Variants in GPC6 observed in about 807,000 individuals in gnomAD.
GPC6 encodes the protein glypican 6.
GPC6 carries 14 observed loss-of-function variants against 55.2 expected under a neutral mutation model. The observed-to-expected ratio is 0.25, with a 90% CI of 0.17 to 0.40. The LOEUF is 0.40. Ranked by LOEUF, GPC6 falls within the 10% of genes least tolerant of loss-of-function variation. The probability of loss-of-function intolerance (pLI) is 1.00; values close to 1 mark genes in which losing one functional copy is unlikely to be tolerated. For missense variants in GPC6, 641 were observed against 708.5 expected, an observed-to-expected ratio of 0.90 and a Z score of 1.08; for synonymous variants, 278 against 259.6, an observed-to-expected ratio of 1.07 and a Z score of -0.68.
chr13:94,060,424 A>G (rs1354731763), intron 4 of GPC6, among the ~76,000 whole-genome samples: 1 of 152,192 alleles, frequency 6.6e-6, no homozygotes, highest in African/African-American at 2.4e-5. Flanking sequence ...GTGTTCAGGA[A>G]ATACACGCTC....
intron 3 of GPC6, among the ~76,000 whole-genome samples, chr13:93,937,997 T>G (rs1878525403): frequency 6.6e-6 from 1 of 152,200 alleles, no homozygotes; most frequent in Admixed American, 6.5e-5. Context: ...TTGCCTTACT[T>G]AAAAAAGAAA....
intron 4 of GPC6, among the ~76,000 whole-genome samples, chr13:94,186,060 CAAAA>C: frequency 1.1e-5 from 1 of 87,252 alleles, no homozygotes; most frequent in African/African-American, 3.7e-5. Flanking sequence ...ACTCCGTCTC[CAAAA>C]AAAAAAAAAA....
At chr13:94,082,722 C>T (rs1266137323) in intron 4 of GPC6, among the ~76,000 whole-genome samples, 1 of 152,156 alleles carries the variant, frequency 6.6e-6, no homozygotes, top group East Asian at 1.9e-4. Context: ...TAGCATCTTC[C>T]ATTTTCCTAG....
intron 2 of GPC6, among the ~76,000 whole-genome samples, chr13:93,547,423 CTTTTAAT>C (rs1339082225): frequency 1.3e-5 from 2 of 152,098 alleles, no homozygotes; most frequent in Non-Finnish European, 2.9e-5. Context: ...ATATCAATAA[CTTTTAAT>C]ATCTTTGCAT....
chr13:94,161,694 C>G (rs541980746), intron 4 of GPC6, among the ~76,000 whole-genome samples: 13 of 152,242 alleles, frequency 8.5e-5, no homozygotes, highest in African/African-American at 3.1e-4. Flanking sequence ...GAGCCATGCA[C>G]AAGACTAGGG....
At chr13:93,588,812 A>G (rs1011506055) in intron 2 of GPC6, among the ~76,000 whole-genome samples, 1 of 152,152 alleles carries the variant, frequency 6.6e-6, no homozygotes, top group Non-Finnish European at 1.5e-5. Context: ...TGGAGATTAC[A>G]TTTCAACATG....
At chr13:93,542,886 C>G (rs1475231258) in intron 1 of GPC6, among the ~76,000 whole-genome samples, 1 of 152,158 alleles carries the variant, frequency 6.6e-6, no homozygotes, top group Non-Finnish European at 1.5e-5. Flanking sequence ...TATCCTGAGA[C>G]TTTGCTGAAG....
chr13:93,944,632 A>C (rs1056683180), intron 3 of GPC6, among the ~76,000 whole-genome samples: 2 of 152,204 alleles, frequency 1.3e-5, no homozygotes, highest in Admixed American at 6.5e-5. Flanking sequence ...TGTGTACTCC[A>C]TCTATAAAAA....
Position 93,240,751 on chromosome 13 carries a change from T to A in GPC6, c.160+13135T>A, listed in dbSNP as rs115645412. Among the ~76,000 whole-genome samples, 1,008 of 152,304 alleles carry A rather than the reference T, an allele frequency of 6.6e-3. 15 individuals carry two copies. The highest frequency in any genetic ancestry group is 0.023 in the African/African-American group (955 of 41,580). Reference sequence around the variant, plus strand: ...TTATAAGCAGTGAGTTTTATACTTTTGAATGTTTTTTATACTGTTGCGTAT... The same window carrying A: ...TTATAAGCAGTGAGTTTTATACTTTAGAATGTTTTTTATACTGTTGCGTAT... On this transcript the variant is annotated intron_variant, in intron 1 of 8. Coordinates refer to ENST00000377047, the MANE Select transcript of GPC6 (RefSeq NM_005708.5).
chr13:93,729,051 A>G lies in GPC6; in HGVS notation c.320-101103A>G, dbSNP rs138292024. ...AAGTATTAAGTATTAGTAGAATAAAAATAATAAATCCTTAAAGGCTGATTG... is the reference window on the plus strand; with the variant it reads ...AAGTATTAAGTATTAGTAGAATAAAGATAATAAATCCTTAAAGGCTGATTG... On this transcript the variant is annotated intron_variant, in intron 2 of 8. Transcript: ENST00000377047. Among the ~76,000 whole-genome samples, 672 of 152,302 alleles carry G rather than the reference A, an allele frequency of 4.4e-3. 2 individuals carry two copies. The highest frequency in any genetic ancestry group is 0.015 in the African/African-American group (641 of 41,564).
At chr13:93,442,640 G>T (rs1434826081) in intron 1 of GPC6, among the ~76,000 whole-genome samples, 1 of 152,148 alleles carries the variant, frequency 6.6e-6, no homozygotes, top group Non-Finnish European at 1.5e-5. Flanking sequence ...GCACAGCGAT[G>T]ACTACGAATG....
At chr13:93,622,102 A>G (rs949287975) in intron 2 of GPC6, among the ~76,000 whole-genome samples, 4 of 152,166 alleles carry the variant, frequency 2.6e-5, no homozygotes, top group African/African-American at 9.7e-5. Context: ...GAGTGAGAAC[A>G]TGTGTCACTT....
chr13:94,224,261 A>G (rs1890478342), intron 4 of GPC6, among the ~76,000 whole-genome samples: 2 of 9,990 alleles, frequency 2.0e-4, no homozygotes, highest in African/African-American at 8.0e-4. Flanking sequence ...CTTTAAATAT[A>G]TATATATATA....
intron 6 of GPC6, among the ~76,000 whole-genome samples, chr13:94,314,164 A>G (rs188049707): frequency 1.2e-4 from 19 of 152,348 alleles, no homozygotes; most frequent in South Asian, 8.3e-4. Context: ...TGTCTTCTCC[A>G]GAGAACAGTA....
intron 2 of GPC6, among the ~76,000 whole-genome samples, chr13:93,823,674 T>C (rs1488109557): frequency 1.3e-5 from 2 of 152,208 alleles, no homozygotes; most frequent in African/African-American, 4.8e-5. Flanking sequence ...ATGATGAAGA[T>C]GTTCTATTGC....
At chr13:93,835,432 G>A (rs571575892) in intron 3 of GPC6, among the ~76,000 whole-genome samples, 2 of 152,152 alleles carry the variant, frequency 1.3e-5, no homozygotes, top group East Asian at 3.9e-4. Flanking sequence ...TTCAGCCTGG[G>A]CAACAGAGCC....
intron 3 of GPC6, among the ~76,000 whole-genome samples, chr13:93,927,134 C>T (rs1594594249): frequency 6.6e-6 from 1 of 152,190 alleles, no homozygotes; most frequent in South Asian, 2.1e-4. Flanking sequence ...AGTGAACTCT[C>T]TCACTAAGAC....
At chr13:93,895,570 C>A (rs113229057) in intron 3 of GPC6, among the ~76,000 whole-genome samples, 2 of 151,774 alleles carry the variant, frequency 1.3e-5, no homozygotes, top group African/African-American at 2.4e-5. Flanking sequence ...CCCATCTCAC[C>A]ATCATCTATT....
At chr13:93,857,027 A>G (rs1888642337) in intron 3 of GPC6, among the ~76,000 whole-genome samples, 1 of 151,670 alleles carries the variant, frequency 6.6e-6, no homozygotes, top group African/African-American at 2.4e-5. Context: ...AAATGGCAAT[A>G]CAATACAATA....
Sources: allele counts gnomAD v4.1 joint callset (sites outside exome capture counted in the v4.1 genomes callset), GRCh38; gene constraint gnomAD v4.1.1; transcripts MANE v1.5; gene names NCBI Gene and HGNC (gene_info 2026-07-23, HGNC 2026-07-21).